The following GRK5 variants were observed in gnomAD, a reference collection of about 807,000 sequenced individuals.
GRK5 encodes the protein G protein-coupled receptor kinase 5.
A neutral mutation model predicts 78.4 loss-of-function variants in GRK5; 40 were observed. The observed-to-expected ratio is 0.51, with a 90% CI of 0.40 to 0.66. GRK5 has a LOEUF of 0.66. Ranked by LOEUF, GRK5 falls within the 30% of genes least tolerant of loss-of-function variation. The pLI is 0.00. For synonymous variants in GRK5, 289 were observed against 296.8 expected (o/e 0.97, Z 0.27); for missense variants, 598 against 759.9 (o/e 0.79, Z 2.50).
At chr10:119,396,604 A>G (rs1318044745) in intron 3 of GRK5, 91 bp from the exon 4 acceptor site, 4 of 1,091,912 alleles carry the variant, frequency 3.7e-6, no homozygotes, top group Non-Finnish European at 1.4e-6. Context: ...GGTGGCCTCT[A>G]GGGGATTTCC....
At position 119,270,232 on chromosome 10, in the gene GRK5, GTAATTGTA is replaced by G. The variant is rs376884642; in HGVS notation, c.53-56283_53-56276del. Among the ~76,000 whole-genome samples, 137 of 152,326 alleles carry G rather than the reference GTAATTGTA, an allele frequency of 9.0e-4. 1 individual carries two copies. Among genetic ancestry groups the G allele is most frequent in the African/African-American group, 3.3e-3 (137 of 41,582 alleles). ...TCTTTGCCACTTGTCACCAAAATGT[GTAATTGTA>G]CCTTCATTGATGTCCAGTCAGCCTT... is the stretch of plus-strand genomic sequence containing the variant. On this transcript the variant is annotated intron_variant, in intron 1 of 15. Coordinates refer to ENST00000392870, the MANE Select transcript of GRK5 (RefSeq NM_005308.3).
chr10:119,395,624 C>A (rs966866258), intron 3 of GRK5, among the ~76,000 whole-genome samples: 1 of 152,194 alleles, frequency 6.6e-6, no homozygotes, highest in African/African-American at 2.4e-5. Context: ...CTTACTCAGG[C>A]TTTTTATTGA....
intron 9 of GRK5, among the ~76,000 whole-genome samples, chr10:119,439,289 CA>C (rs886315814): frequency 6.6e-6 from 1 of 152,378 alleles, no homozygotes; most frequent in African/African-American, 2.4e-5. Flanking sequence ...GGCCCCATCC[CA>C]AAGGGGGTCT....
rs570001652 is a variant in GRK5 at position 119,378,534 on chromosome 10, C to T, written c.149-2281C>T. ...GTAGGTTACCCATGAAAGAAGGGGG[C>T]CTGGCCGCGGCTCTTTCCGTTCCAG... is the stretch of plus-strand genomic sequence containing the variant. On this transcript the variant is annotated intron_variant, in intron 2 of 15. Transcript: ENST00000392870. This position sits in a 1 kb window ranked among gnomAD's most constrained non-coding sequence, Gnocchi z 4.5. Among the ~76,000 whole-genome samples the T allele has an allele frequency of 6.6e-6, 1 of 152,384 alleles. No individual in the cohort carries two copies. Among genetic ancestry groups the T allele is most frequent in the Non-Finnish European group, 1.5e-5 (1 of 68,038 alleles).
At chr10:119,319,699 C>T (rs185482503) in intron 1 of GRK5, among the ~76,000 whole-genome samples, 3 of 152,338 alleles carry the variant, frequency 2.0e-5, no homozygotes, top group East Asian at 1.9e-4. Context: ...CAGGAAATAG[C>T]GGTGAGCCAG....
intron 2 of GRK5, among the ~76,000 whole-genome samples, chr10:119,353,650 T>TG (rs1851218130): frequency 6.6e-6 from 1 of 151,926 alleles, no homozygotes; most frequent in Admixed American, 6.6e-5. Context: ...TGGAGTGAGG[T>TG]GGGGAGAATT....
chr10:119,382,784 T>G (rs1256610351), intron 3 of GRK5, among the ~76,000 whole-genome samples: 1 of 152,214 alleles, frequency 6.6e-6, no homozygotes, highest in Non-Finnish European at 1.5e-5. Flanking sequence ...CTGTTGATGT[T>G]TTCTTGACTC....
chr10:119,328,121 G>A (rs1850710333), intron 2 of GRK5, among the ~76,000 whole-genome samples: 1 of 152,244 alleles, frequency 6.6e-6, no homozygotes, highest in Admixed American at 6.5e-5. Flanking sequence ...CGGGAGACCA[G>A]GGGCCCATGC....
chr10:119,423,103 G>T, intron 4 of GRK5, 63 bp from the exon 5 acceptor site: 1 of 1,140,938 alleles, frequency 8.8e-7, no homozygotes. Context: ...ACACCTGTGG[G>T]CAAACCCGGC....
At chr10:119,411,403 C>T (rs1361306434) in intron 4 of GRK5, among the ~76,000 whole-genome samples, 2 of 152,168 alleles carry the variant, frequency 1.3e-5, no homozygotes, top group African/African-American at 4.8e-5. Flanking sequence ...GGTCTTTGGA[C>T]TGTTCACCAA....
chr10:119,289,450 C>T (rs1019387932), intron 1 of GRK5, among the ~76,000 whole-genome samples: 7 of 152,180 alleles, frequency 4.6e-5, no homozygotes, highest in African/African-American at 1.4e-4. Context: ...TAGGAGGCCG[C>T]ACCTGACCTG....
At chr10:119,365,489 G>A (rs1221556458) in intron 2 of GRK5, among the ~76,000 whole-genome samples, 2 of 152,190 alleles carry the variant, frequency 1.3e-5, no homozygotes, top group African/African-American at 4.8e-5. Flanking sequence ...GGTCCTGGGA[G>A]GGGGTTTGGA....
intron 1 of GRK5, among the ~76,000 whole-genome samples, chr10:119,299,183 C>A (rs913181399): frequency 2.0e-5 from 3 of 152,224 alleles, no homozygotes; most frequent in African/African-American, 7.2e-5. Flanking sequence ...TGGCTCACCT[C>A]TGTAATCCAA....
intron 14 of GRK5, 130 bp from the exon 15 acceptor site, chr10:119,453,014 GC>G: frequency 1.2e-6 from 1 of 858,526 alleles, no homozygotes; most frequent in Non-Finnish European, 1.9e-6. Flanking sequence ...GCCTCGCCCA[GC>G]CCCTGAGACC....
intron 2 of GRK5, among the ~76,000 whole-genome samples, chr10:119,364,655 C>A (rs1271009348): frequency 6.6e-6 from 1 of 152,258 alleles, no homozygotes; most frequent in East Asian, 1.9e-4. Context: ...CCTTTCAGAA[C>A]CCCGGGCCCC....
At chr10:119,372,067 C>T (rs1000435827) in intron 2 of GRK5, among the ~76,000 whole-genome samples, 2 of 152,240 alleles carry the variant, frequency 1.3e-5, no homozygotes, top group Admixed American at 1.3e-4. Context: ...CCTCCACCCA[C>T]TAATCAGTAG....
intron 1 of GRK5, among the ~76,000 whole-genome samples, chr10:119,293,793 G>A (rs1188548373): frequency 2.0e-5 from 3 of 152,136 alleles, no homozygotes; most frequent in Non-Finnish European, 4.4e-5. Context: ...CCATCGCCTC[G>A]GGGTGGTACC....
At chr10:119,269,960 G>A (rs1263459351) in intron 1 of GRK5, among the ~76,000 whole-genome samples, 1 of 152,004 alleles carries the variant, frequency 6.6e-6, no homozygotes, top group Admixed American at 6.6e-5. Context: ...GGGGCCTTGT[G>A]CCAGTCCCCC....
intron 1 of GRK5, among the ~76,000 whole-genome samples, chr10:119,316,242 C>T (rs1850485076): frequency 6.6e-6 from 1 of 152,226 alleles, no homozygotes; most frequent in African/African-American, 2.4e-5. Context: ...TTGTTTCAAA[C>T]TCTAGAGTCA....
Sources: gnomAD v4.1 joint callset for allele counts (sites outside exome capture counted in the v4.1 genomes callset) on GRCh38, gnomAD v4.1.1 for gene constraint, Gnocchi (gnomAD v3.1) non-coding constraint, MANE v1.5 for transcripts, NCBI Gene and HGNC (gene_info 2026-07-23, HGNC 2026-07-21) for gene names.